Variants in RRN3 observed in about 807,000 individuals in gnomAD.
The protein encoded by RRN3 is RNA polymerase I-specific transcription initiation factor RRN3.
RRN3 carries 38 observed loss-of-function variants against 82.3 expected under a neutral mutation model. That is an observed-to-expected ratio of 0.46 (90% CI 0.36 to 0.61). RRN3 has a LOEUF of 0.61. Ranked by LOEUF, RRN3 falls within the 20% of genes least tolerant of loss-of-function variation. The pLI, the probability that RRN3 is intolerant of heterozygous loss-of-function variation, is 0.00. For missense variants in RRN3, 726 were observed against 793.1 expected (o/e 0.92, Z 1.02); for synonymous variants, 284 against 284.3 (o/e 1.00, Z 0.01).
intron 10 of RRN3, among the ~76,000 whole-genome samples, chr16:15,075,281 A>G (rs2045404544): frequency 6.6e-6 from 1 of 151,508 alleles, no homozygotes; most frequent in Admixed American, 6.6e-5. Flanking sequence ...AAACTAAAAC[A>G]AAGAAATGGA....
chr16:15,086,406 A>T lies in RRN3; in HGVS notation c.301T>A (p.Tyr101Asn). The change falls in exon 4 of 18, where the codon TAC becomes AAC. Residue 101 changes from tyrosine to asparagine, a missense_variant. Physicochemically the swap from Tyr to Asn is moderately radical, Grantham distance 143 (BLOSUM62 -2). This residue lies in a region of RRN3 where 344 missense variants were observed against 394.5 expected (regional missense o/e 0.87). Transcript: ENST00000198767. ...AGTTGCTCAAAGTCTTTTGTCAAGT[A>T]CATGATAGAAGAACGGAATTCTAGC... ...WLLEFRSSIM[Y>N]LTKDFEQLIS... 1 of 1,613,792 alleles carries T rather than the reference A, an allele frequency of 6.2e-7. No individual in the cohort carries two copies. Among genetic ancestry groups the T allele is most frequent in the South Asian group, 1.1e-5 (1 of 91,050 alleles).
At chr16:15,090,869 GTTTGT>G (rs1170704601) in intron 3 of RRN3, among the ~76,000 whole-genome samples, 5 of 126,132 alleles carry the variant, frequency 4.0e-5, no homozygotes, top group Non-Finnish European at 5.3e-5. Flanking sequence ...TGAATCAGTG[GTTTGT>G]TTTTTTTTTT....
chr16:15,062,252 C>G (rs985157372), intron 17 of RRN3, among the ~76,000 whole-genome samples: 1 of 152,182 alleles, frequency 6.6e-6, no homozygotes, highest in African/African-American at 2.4e-5. Flanking sequence ...TGTTTCAAGT[C>G]TGACTTGCAA....
At chr16:15,069,053 T>C (rs2151770189) in intron 14 of RRN3, among the ~76,000 whole-genome samples, 1 of 152,346 alleles carries the variant, frequency 6.6e-6, no homozygotes, top group South Asian at 2.1e-4. Context: ...TAAAACCTCA[T>C]CCTACTAGTT....
chr16:15,084,469 A>G (rs1396029866), intron 7 of RRN3, among the ~76,000 whole-genome samples, 173 bp downstream of exon 7: 1 of 152,218 alleles, frequency 6.6e-6, no homozygotes, highest in Non-Finnish European at 1.5e-5. Context: ...AAGAGAATAA[A>G]TAGAAAATGG....
intron 1 of RRN3, among the ~76,000 whole-genome samples, 171 bp from the exon 2 acceptor site, chr16:15,092,785 C>A (rs1025856082): frequency 2.3e-4 from 35 of 152,216 alleles, no homozygotes; most frequent in African/African-American, 8.4e-4. Flanking sequence ...CAACCAATAA[C>A]TGTCTTCCCA....
chr16:15,083,865 C>T lies in RRN3; in HGVS notation c.597-283G>A, dbSNP rs533252380. ...CCAAACAGCTGGGATTACAGGCATG[C>T]GCCACCATGCCCAGCTAATTTTGTA... is the stretch of plus-strand genomic sequence containing the variant. On this transcript the variant is annotated intron_variant, in intron 7 of 17. Coordinates refer to ENST00000198767, the MANE Select transcript of RRN3 (RefSeq NM_018427.5). 5.5e-4 allele frequency: 170 copies of T among 311,816 alleles called. 1 individual carries two copies. The highest frequency in any genetic ancestry group is 3.4e-3 in the South Asian group (109 of 31,754). 19.3% of individuals were successfully genotyped at this position (311,816 alleles called of 1,614,324 possible).
In RRN3 at chr16:15,080,026, A is replaced by G. The variant is rs750142950; in HGVS notation, c.737T>C (p.Leu246Pro). 3 of 1,599,424 alleles carry G rather than the reference A, an allele frequency of 1.9e-6. No homozygotes were observed. The highest frequency in any genetic ancestry group is 1.7e-6 in the Non-Finnish European group (2 of 1,173,156). ...CAACTTGAGTAGTTTTTCAATAATA[A>G]GCTCCAGAATTTCATGCCTCAAGGT... is the stretch of plus-strand genomic sequence containing the variant. ...FPTLRHEILE[L>P]IIEKLLKLDV... is the part of the protein sequence containing the mutation. Residue 246 changes from leucine (L) to proline (P), a missense_variant, in exon 9 of 18, where the codon CTT becomes CCT. Physicochemically the swap from Leu to Pro is moderately conservative, Grantham distance 98 (BLOSUM62 -3). This residue lies in a region of RRN3 where 344 missense variants were observed against 394.5 expected (regional missense o/e 0.87). Transcript: ENST00000198767.
rs2045887762 is a variant in RRN3, at chr16:15,085,641, T to A, written c.530A>T (p.Asp177Val). 1 of 1,612,960 alleles carries A rather than the reference T, an allele frequency of 6.2e-7. No homozygotes were observed. Among genetic ancestry groups the A allele is most frequent in the Non-Finnish European group, 8.5e-7 (1 of 1,179,436 alleles). ...VDVSDSDDED[D>V]NLPANFDTCH... ...GCTTTAAACCTTTTTATACTTACTA[T>A]CATCTTCATCATCAGAATCTGAAAC... Residue 177 changes from aspartate (D) to valine (V), a missense_variant and splice_region_variant, in exon 6 of 18, where the codon GAT (aspartate) becomes GTT (valine). Asp to Val is a radical substitution (Grantham distance 152, BLOSUM62 -3). Transcript: ENST00000198767.
rs75994365 is a variant in RRN3 at position 15,076,215 on chromosome 16, C to T, written c.858+343G>A. On this transcript the variant is annotated intron_variant, in intron 10 of 17. Coordinates refer to ENST00000198767, the MANE Select transcript of RRN3 (RefSeq NM_018427.5). ...CAGATACCACCCAAAAGAAGTAATG[C>T]TATAAAGTGTACAAGTGGTAAAATG... Among the ~76,000 whole-genome samples the T allele has an allele frequency of 8.1e-3, 1,230 of 152,192 alleles. 46 individuals are homozygous for T. Among genetic ancestry groups the T allele is most frequent in the East Asian group, 0.063 (328 of 5,190 alleles).
At chr16:15,067,525 A>G (rs945429732) in intron 15 of RRN3, among the ~76,000 whole-genome samples, 7 of 140,970 alleles carry the variant, frequency 5.0e-5, no homozygotes, top group Non-Finnish European at 1.1e-4. Context: ...CTGAGAGAAC[A>G]GAACTCTCTA....
rs575275997 is a variant in RRN3, at chr16:15,078,036, A to G, written c.766-1386T>C. ...TGCATGATGCAATATTTATTTTGGTATATCACCATTCAAATATCTTAACAT... is the reference window on the plus strand; with the variant it reads ...TGCATGATGCAATATTTATTTTGGTGTATCACCATTCAAATATCTTAACAT... On this transcript the variant is annotated intron_variant, in intron 9 of 17. Coordinates refer to ENST00000198767, the MANE Select transcript of RRN3 (RefSeq NM_018427.5). Among the ~76,000 whole-genome samples the G allele has an allele frequency of 5.1e-4, 77 of 152,334 alleles. 1 individual carries two copies. Among genetic ancestry groups the G allele is most frequent in the South Asian group, 4.1e-4 (2 of 4,830 alleles).
intron 9 of RRN3, among the ~76,000 whole-genome samples, chr16:15,078,809 TTTC>T (rs1364583061): frequency 7.8e-6 from 1 of 127,608 alleles, no homozygotes; most frequent in South Asian, 2.8e-4. Context: ...TTCGTATTTT[TTTC>T]TTTTTTTTTT....
chr16:15,088,024 G>T (rs2045977227), intron 3 of RRN3, among the ~76,000 whole-genome samples: 3 of 151,900 alleles, frequency 2.0e-5, no homozygotes, highest in African/African-American at 7.3e-5. Flanking sequence ...TGAGGCAGGA[G>T]AATTGCTTAA....
chr16:15,064,796 C>T (rs575663079), intron 16 of RRN3, among the ~76,000 whole-genome samples: 100 of 152,336 alleles, frequency 6.6e-4, no homozygotes, highest in African/African-American at 2.3e-3. Context: ...AGATGCTCAT[C>T]AACAGCGAGG....
chr16:15,081,868 CA>C (rs2045718568), intron 8 of RRN3, among the ~76,000 whole-genome samples: 1 of 152,172 alleles, frequency 6.6e-6, no homozygotes, highest in South Asian at 2.1e-4. Flanking sequence ...CATTCTTTTG[CA>C]TGTTCATATC....
chr16:15,062,987 G>C (rs1182279688), intron 17 of RRN3, among the ~76,000 whole-genome samples: 4 of 152,128 alleles, frequency 2.6e-5, no homozygotes, highest in Admixed American at 6.5e-5. Context: ...GGGATTACAG[G>C]TGTGCACCAC....
intron 16 of RRN3, among the ~76,000 whole-genome samples, chr16:15,063,829 G>T (rs1357883481): frequency 6.6e-6 from 1 of 151,842 alleles, no homozygotes; most frequent in Non-Finnish European, 1.5e-5. Context: ...TTGAACTACC[G>T]TTTTTCATCT....
intron 15 of RRN3, among the ~76,000 whole-genome samples, chr16:15,067,784 G>T (rs976109872): frequency 1.3e-5 from 2 of 152,076 alleles, no homozygotes; most frequent in African/African-American, 4.8e-5. Context: ...AAGAGACAGG[G>T]TCTCATTCTG....
Sources: allele counts gnomAD v4.1 joint callset (sites outside exome capture counted in the v4.1 genomes callset), GRCh38; gene constraint gnomAD v4.1.1; regional missense constraint gnomAD v4.1.1; transcripts MANE v1.5; gene names NCBI Gene and HGNC (gene_info 2026-07-23, HGNC 2026-07-21).